The following CMIP variants were observed in gnomAD, a reference collection of about 807,000 sequenced individuals.
CMIP encodes C-Maf-inducing protein.
Under a neutral mutation model 97.3 loss-of-function variants are expected in CMIP, and 13 were observed. That is an observed-to-expected ratio of 0.13 (90% CI 0.09 to 0.21). The LOEUF (loss-of-function observed/expected upper bound fraction) is 0.21. Among genes scored for constraint, CMIP ranks in the 10% least tolerant of loss-of-function variants. The pLI is 1.00. For missense variants in CMIP, 847 were observed against 1,024.9 expected (o/e 0.83, Z 2.37); for synonymous variants, 538 against 436.3 (o/e 1.23, Z -2.91).
At chr16:81,447,048 C>T (rs1905895242) in intron 1 of CMIP, among the ~76,000 whole-genome samples, 1 of 152,194 alleles carries the variant, frequency 6.6e-6, no homozygotes, top group African/African-American at 2.4e-5. Flanking sequence ...TCAAGCCCGT[C>T]CCGCGCCACA....
At chr16:81,626,460 T>C (rs2092065799) in intron 3 of CMIP, among the ~76,000 whole-genome samples, 1 of 139,696 alleles carries the variant, frequency 7.2e-6, no homozygotes, top group Non-Finnish European at 1.6e-5. Context: ...AGTGTGTGTG[T>C]GTATGTGTGG....
intron 1 of CMIP, among the ~76,000 whole-genome samples, chr16:81,452,943 C>T (rs756429174): frequency 7.2e-6 from 1 of 139,860 alleles, no homozygotes; most frequent in East Asian, 2.1e-4. Context: ...TGAAGAATAG[C>T]CCTGGTAGCA....
At chr16:81,554,034 T>A (rs2090713241) in intron 1 of CMIP, among the ~76,000 whole-genome samples, 1 of 152,248 alleles carries the variant, frequency 6.6e-6, no homozygotes, top group Admixed American at 6.5e-5. Flanking sequence ...GAGGCTGCCC[T>A]GTGGTGGGCG....
intron 1 of CMIP, among the ~76,000 whole-genome samples, chr16:81,575,269 G>C (rs1017123669): frequency 6.6e-6 from 1 of 152,168 alleles, no homozygotes; most frequent in African/African-American, 2.4e-5. Context: ...TGTTGGAATG[G>C]GGATGCGTCG....
At chr16:81,540,028 G>A (rs747919284) in intron 1 of CMIP, among the ~76,000 whole-genome samples, 1 of 152,218 alleles carries the variant, frequency 6.6e-6, no homozygotes, top group African/African-American at 2.4e-5. Context: ...GGCAGTGAAC[G>A]AAGCCGAAAG....
intron 1 of CMIP, among the ~76,000 whole-genome samples, chr16:81,449,843 A>G (rs1009094960): frequency 1.3e-5 from 2 of 152,176 alleles, no homozygotes; most frequent in African/African-American, 4.8e-5. Context: ...CCAGGCTGTA[A>G]TAAGTAAGTG....
intron 1 of CMIP, among the ~76,000 whole-genome samples, chr16:81,511,491 C>T (rs1165151321): frequency 2.0e-5 from 3 of 152,192 alleles, no homozygotes; most frequent in Non-Finnish European, 4.4e-5. Context: ...TTGCTGATTG[C>T]TTCCTCATGG....
At position 81,512,746 on chromosome 16, in the gene CMIP, AT is replaced by A. The variant is rs1180831324; in HGVS notation, c.300+67213del. The stretch of plus-strand genomic sequence containing the variant: ...CAAAATAATTATAATTAAAATAATA[AT>A]TTTTTTTGAGACAGAGTCTTACTCT... On this transcript the variant is annotated intron_variant, in intron 1 of 20. Transcript: ENST00000537098. Among the ~76,000 whole-genome samples, 7 of 151,874 alleles carry A rather than the reference AT, an allele frequency of 4.6e-5. No homozygotes were observed. In the East Asian group the frequency reaches 1.2e-3, roughly 25 times the overall value.
intron 1 of CMIP, among the ~76,000 whole-genome samples, chr16:81,503,849 G>C (rs2089656327): frequency 6.6e-6 from 1 of 152,262 alleles, no homozygotes; most frequent in Admixed American, 6.5e-5. Context: ...GCCTGTCAGT[G>C]ACAGACGTCA....
rs2091998567 is a variant in CMIP at position 81,621,973 on chromosome 16, GAGTCTCCACGTTGGGTTGCAAAGGGGA to G, written c.477+1050_477+1076del. 1 of 152,272 alleles carries G rather than the reference GAGTCTCCACGTTGGGTTGCAAAGGGGA, an allele frequency of 6.6e-6. No homozygotes were observed. The highest frequency in any genetic ancestry group is 1.5e-5 in the Non-Finnish European group (1 of 68,074). 9.4% of individuals were successfully genotyped at this position (152,272 alleles called of 1,614,324 possible). ...GGGGCCAAGTCTCAGAAGCTGAGCT[GAGTCTCCACGTTGGGTTGCAAAGGGGA>G]AGAGAACTAGTGTTTACTGAGCTTC... is the stretch of plus-strand genomic sequence containing the variant. On this transcript the variant is annotated intron_variant, in intron 3 of 20. Transcript: ENST00000537098. The surrounding 1 kb of genome is among the most constrained non-coding windows in gnomAD (Gnocchi z 4.1).
intron 1 of CMIP, among the ~76,000 whole-genome samples, chr16:81,479,004 G>T (rs1908096923): frequency 6.6e-6 from 1 of 152,226 alleles, no homozygotes; most frequent in Non-Finnish European, 1.5e-5. Context: ...TCTGGGCTTT[G>T]CTGGACGCCT....
intron 1 of CMIP, among the ~76,000 whole-genome samples, chr16:81,513,778 A>G (rs1001144615): frequency 4.6e-5 from 7 of 152,228 alleles, no homozygotes; most frequent in Admixed American, 3.9e-4. Context: ...ACTTAGTGCC[A>G]TTACTTCCTG....
chr16:81,583,965 C>T (rs2091339130), intron 1 of CMIP, among the ~76,000 whole-genome samples: 1 of 152,016 alleles, frequency 6.6e-6, no homozygotes, highest in Middle Eastern at 3.2e-3. Flanking sequence ...TGGAATATTC[C>T]AGAAGAAAAA....
intron 7 of CMIP, chr16:81,667,250 A>G (rs1461005894): frequency 6.6e-6 from 1 of 152,238 alleles, no homozygotes; most frequent in Non-Finnish European, 1.5e-5. Context: ...GTTCTTTACT[A>G]GACTGAAATA....
At chr16:81,641,268 T>A (rs1392602221) in intron 3 of CMIP, among the ~76,000 whole-genome samples, 6 of 151,762 alleles carry the variant, frequency 4.0e-5, no homozygotes, top group Admixed American at 3.9e-4. Flanking sequence ...CCATTTTCAT[T>A]CTCCCCACTG....
intron 3 of CMIP, among the ~76,000 whole-genome samples, chr16:81,639,892 T>G (rs1001728774): frequency 6.6e-6 from 1 of 152,102 alleles, no homozygotes; most frequent in African/African-American, 2.4e-5. Flanking sequence ...ATAGAGTCAT[T>G]TGGGGCACAC....
chr16:81,460,467 C>G (rs1906836524), intron 1 of CMIP, among the ~76,000 whole-genome samples: 1 of 152,156 alleles, frequency 6.6e-6, no homozygotes, highest in African/African-American at 2.4e-5. Flanking sequence ...TGACTGCTGT[C>G]CTGGTTTGCC....
chr16:81,699,249 C>T (rs141090562), intron 14 of CMIP, among the ~76,000 whole-genome samples: 14 of 151,764 alleles, frequency 9.2e-5, no homozygotes, highest in African/African-American at 2.9e-4. Flanking sequence ...GAGCGAGACT[C>T]CATCTCAAAA....
intron 1 of CMIP, among the ~76,000 whole-genome samples, chr16:81,595,737 C>T (rs1168976531): frequency 5.3e-5 from 8 of 152,160 alleles, no homozygotes; most frequent in Admixed American, 1.3e-4. Flanking sequence ...TTTTTTTTAT[C>T]GCTGCATAAT....
Sources: gnomAD v4.1 joint callset for allele counts (sites outside exome capture counted in the v4.1 genomes callset) on GRCh38, gnomAD v4.1.1 for gene constraint, Gnocchi (gnomAD v3.1) non-coding constraint, MANE v1.5 for transcripts, NCBI Gene and HGNC (gene_info 2026-07-23, HGNC 2026-07-21) for gene names.